BICC1: variants seen among roughly 807,000 people sequenced by gnomAD.
BICC1 encodes the protein BicC family RNA binding protein 1, also known as protein bicaudal C homolog 1.
A neutral mutation model predicts 111.0 loss-of-function variants in BICC1; 43 were observed. That is an observed-to-expected ratio of 0.39 (90% CI 0.30 to 0.50). The LOEUF is 0.50. Ranked by LOEUF, BICC1 falls within the 20% of genes least tolerant of loss-of-function variation. The pLI, the probability that BICC1 is intolerant of heterozygous loss-of-function variation, is 0.88. For synonymous variants in BICC1, 467 were observed against 434.4 expected (o/e 1.07, Z -0.93); for missense variants, 1,091 against 1,203.2 (o/e 0.91, Z 1.38).
intron 1 of BICC1, among the ~76,000 whole-genome samples, chr10:58,568,173 TGAG>T (rs1272627128): frequency 6.6e-6 from 1 of 152,148 alleles, no homozygotes; most frequent in Non-Finnish European, 1.5e-5. Context: ...AAGGACTAGA[TGAG>T]GAGATACAGA....
At chr10:58,643,217 C>T (rs1045665894) in intron 2 of BICC1, among the ~76,000 whole-genome samples, 1 of 152,192 alleles carries the variant, frequency 6.6e-6, no homozygotes, top group Non-Finnish European at 1.5e-5. Flanking sequence ...GATGATGTCA[C>T]TCTCAGATCG....
rs530881939 is a variant in BICC1 at position 58,571,824 on chromosome 10, GA to G, written c.191-49029del. 3.5e-4 allele frequency among the ~76,000 whole-genome samples: 53 copies of G among 152,216 alleles called. No individual in the cohort carries two copies. The South Asian group carries it at 9.9e-3, about 29-fold the overall frequency. On this transcript the variant is annotated intron_variant, in intron 1 of 20. Transcript: ENST00000373886. Reference sequence around the variant, plus strand: ...TATGTGTGCATGTGTTTTTATAACAGAACGATTTATATTCCTTTGGGTATAA... The same window carrying G: ...TATGTGTGCATGTGTTTTTATAACAGACGATTTATATTCCTTTGGGTATAA...
rs1391568689 is a variant in BICC1, at chr10:58,642,782, G to GGAGTGCAGTGATGTGATCA, written c.237+21881_237+21882insGAGTGCAGTGATGTGATCA. On this transcript the variant is annotated intron_variant, in intron 2 of 20. Transcript: ENST00000373886. ...TGCAGTGATGTGATCACGGCTTACTGCAGTCTTGACCTCCTGGGCTTAGGC... is the reference window on the plus strand; with the variant it reads ...TGCAGTGATGTGATCACGGCTTACTGGAGTGCAGTGATGTGATCACAGTCTTGACCTCCTGGGCTTAGGC... 2.6e-5 allele frequency among the ~76,000 whole-genome samples: 4 copies of GGAGTGCAGTGATGTGATCA among 151,936 alleles called. No homozygotes were observed. The East Asian group carries it at 7.7e-4, about 29-fold the overall frequency.
intron 1 of BICC1, among the ~76,000 whole-genome samples, chr10:58,606,108 CT>C (rs1454153001): frequency 6.6e-6 from 1 of 151,990 alleles, no homozygotes; most frequent in East Asian, 1.9e-4. Flanking sequence ...CTGCTTCATC[CT>C]TTACTATTTG....
intron 3 of BICC1, among the ~76,000 whole-genome samples, chr10:58,723,966 A>G (rs1383757953): frequency 1.3e-5 from 2 of 152,262 alleles, no homozygotes; most frequent in African/African-American, 4.8e-5. Flanking sequence ...TTGTTAATGA[A>G]TTACAACCAA....
chr10:58,596,978 C>T (rs1844836943), intron 1 of BICC1, among the ~76,000 whole-genome samples: 1 of 152,126 alleles, frequency 6.6e-6, no homozygotes, highest in East Asian at 1.9e-4. Flanking sequence ...GCCGTACTGC[C>T]CAAAGTAATT....
At chr10:58,658,266 C>T (rs915232625) in intron 2 of BICC1, among the ~76,000 whole-genome samples, 1 of 152,162 alleles carries the variant, frequency 6.6e-6, no homozygotes. Flanking sequence ...CTGTTCACTG[C>T]AGCCTCTGCC....
intron 3 of BICC1, among the ~76,000 whole-genome samples, chr10:58,707,245 C>A (rs905272182): frequency 6.6e-6 from 1 of 151,976 alleles, no homozygotes; most frequent in African/African-American, 2.4e-5. Context: ...GTAGACAGTT[C>A]GTTTTGTTTT....
rs1194067066 is a variant in BICC1, at chr10:58,789,944, T to C, written c.1047+11T>C. The C allele has an allele frequency of 6.2e-7, 1 of 1,612,926 alleles. No homozygotes were observed. The highest frequency in any genetic ancestry group is 8.5e-7 in the Non-Finnish European group (1 of 1,179,448). Reference sequence around the variant, plus strand: ...AGGCAATATCTCATGGTAAGGTTACTGAAATAAGTGTTACAATTTTTTTAA... The same window carrying C: ...AGGCAATATCTCATGGTAAGGTTACCGAAATAAGTGTTACAATTTTTTTAA... On this transcript the variant is annotated intron_variant, in intron 8 of 20. Transcript: ENST00000373886.
chr10:58,689,261 A>G (rs1044373109), intron 2 of BICC1, among the ~76,000 whole-genome samples: 1 of 152,174 alleles, frequency 6.6e-6, no homozygotes, highest in African/African-American at 2.4e-5. Flanking sequence ...AGAGAAAGAG[A>G]GAACTTAGTA....
chr10:58,769,426 A>ATAATC (rs1842562280), intron 3 of BICC1, among the ~76,000 whole-genome samples: 3 of 143,044 alleles, frequency 2.1e-5, no homozygotes, highest in Admixed American at 7.0e-5. Flanking sequence ...ATATATATAT[A>ATAATC]ATCACAGTAT....
intron 3 of BICC1, among the ~76,000 whole-genome samples, chr10:58,727,554 T>C (rs1014553888): frequency 4.6e-5 from 7 of 151,462 alleles, no homozygotes; most frequent in African/African-American, 1.7e-4. Context: ...GCCACTGTTC[T>C]CCAGCCTGGG....
intron 2 of BICC1, among the ~76,000 whole-genome samples, chr10:58,682,209 A>G (rs1233003521): frequency 6.6e-6 from 1 of 151,952 alleles, no homozygotes; most frequent in African/African-American, 2.4e-5. Context: ...ATTCTTTTCT[A>G]TGGCTGCATA....
Position 58,785,013 on chromosome 10 carries a change from A to G in BICC1, c.320A>G (p.Lys107Arg). Residue 107 changes from lysine (K) to arginine (R), a missense_variant, in exon 4 of 21, where the codon AAG becomes AGG. Coordinates refer to ENST00000373886, the MANE Select transcript of BICC1 (RefSeq NM_001080512.3). Reference sequence around the variant, plus strand: ...TTCTTTCTTATAGATCCCCATATTAAGGTTTCTGGAAAGAAAGAAGATGTT... The same window carrying G: ...TTCTTTCTTATAGATCCCCATATTAGGGTTTCTGGAAAGAAAGAAGATGTT... ...GAKSKKDPHIKVSGKKEDVKE... is the reference protein window; with the variant it reads ...GAKSKKDPHIRVSGKKEDVKE... 1 of 1,585,680 alleles carries G rather than the reference A, an allele frequency of 6.3e-7. No individual in the cohort carries two copies. Among genetic ancestry groups the G allele is most frequent in the Non-Finnish European group, 8.6e-7 (1 of 1,159,824 alleles).
chr10:58,711,495 T>A (rs1840570734), intron 3 of BICC1, among the ~76,000 whole-genome samples: 1 of 152,228 alleles, frequency 6.6e-6, no homozygotes, highest in African/African-American at 2.4e-5. Flanking sequence ...GAATATGTAT[T>A]TTCTCACACT....
chr10:58,725,321 C>T (rs533974596), intron 3 of BICC1, among the ~76,000 whole-genome samples: 3 of 152,232 alleles, frequency 2.0e-5, no homozygotes, highest in Admixed American at 6.5e-5. Context: ...ACTTCCTTGC[C>T]GTCCCTGCCC....
At chr10:58,746,025 A>G (rs1841827944) in intron 3 of BICC1, among the ~76,000 whole-genome samples, 1 of 152,150 alleles carries the variant, frequency 6.6e-6, no homozygotes. Context: ...AGGGAGAAGT[A>G]GGAAGAATTA....
intron 3 of BICC1, among the ~76,000 whole-genome samples, chr10:58,773,878 A>G (rs1327414154): frequency 6.6e-6 from 1 of 152,224 alleles, no homozygotes; most frequent in Non-Finnish European, 1.5e-5. Flanking sequence ...ATAATACCCA[A>G]ATATTGCTTT....
chr10:58,806,515 C>T (rs1843713375), intron 15 of BICC1, 69 bp from the exon 16 acceptor site: 3 of 1,397,070 alleles, frequency 2.1e-6, no homozygotes, highest in Non-Finnish European at 3.0e-6. Flanking sequence ...CCTTTGTTCT[C>T]TAACCATGGA....
Sources: allele counts gnomAD v4.1 joint callset (sites outside exome capture counted in the v4.1 genomes callset), GRCh38; gene constraint gnomAD v4.1.1; transcripts MANE v1.5; gene names NCBI Gene and HGNC (gene_info 2026-07-23, HGNC 2026-07-21).